GABRB3: variants seen among roughly 807,000 people sequenced by gnomAD.
GABRB3 encodes the protein gamma-aminobutyric acid receptor subunit beta-3.
Under a neutral mutation model 52.1 loss-of-function variants are expected in GABRB3, and 14 were observed. That is an observed-to-expected ratio of 0.27 (90% CI 0.18 to 0.42). The LOEUF is 0.42. Ranked by LOEUF, GABRB3 falls within the 10% of genes least tolerant of loss-of-function variation. The probability of loss-of-function intolerance (pLI) is 1.00; values close to 1 mark genes in which losing one functional copy is unlikely to be tolerated. For synonymous variants in GABRB3, 260 were observed against 232.3 expected, an observed-to-expected ratio of 1.12 and a Z score of -1.08; for missense variants, 307 against 609.1, an observed-to-expected ratio of 0.50 and a Z score of 5.22.
At chr15:26,592,981 C>A (rs1054428367) in intron 4 of GABRB3, among the ~76,000 whole-genome samples, 6 of 152,110 alleles carry the variant, frequency 3.9e-5, no homozygotes, top group Admixed American at 3.9e-4. Context: ...CACCACTGCA[C>A]TCCAGCCTGG....
rs1890578049 is a variant in GABRB3 at position 26,576,006 on chromosome 15, A to T, written c.682+4313T>A. On this transcript the variant is annotated intron_variant, in intron 6 of 8. Coordinates refer to ENST00000311550, the MANE Select transcript of GABRB3 (RefSeq NM_000814.6). ...GTGACAAGTAAATTTCAGATTTGGCAAAAACTGTATATCCCACATTTTGCT... is the reference window on the plus strand; with the variant it reads ...GTGACAAGTAAATTTCAGATTTGGCTAAAACTGTATATCCCACATTTTGCT... Among the ~76,000 whole-genome samples, 3 of 152,376 alleles carry T rather than the reference A, an allele frequency of 2.0e-5. No homozygotes were observed. The South Asian group carries it at 6.2e-4, about 32-fold the overall frequency.
At chr15:26,738,639 T>C (rs1248401033) in intron 3 of GABRB3, among the ~76,000 whole-genome samples, 1 of 152,126 alleles carries the variant, frequency 6.6e-6, no homozygotes, top group Non-Finnish European at 1.5e-5. Flanking sequence ...CCCCCTTCTT[T>C]GTACTTATCT....
chr15:26,547,305 C>G lies in GABRB3; in HGVS notation c.*488G>C, dbSNP rs1198769476. 2.5e-6 allele frequency: 1 copy of G among 395,474 alleles called. No homozygotes were observed. The highest frequency in any genetic ancestry group is 4.5e-6 in the Non-Finnish European group (1 of 224,046). 24.5% of individuals were successfully genotyped at this position (395,474 alleles called of 1,614,324 possible). ...AAGTAAGTGACTCATTTTAAACTAG[C>G]AATACCACTGTATGAGTTTTCAAAG... On this transcript the variant is annotated 3_prime_UTR_variant, in exon 9 of 9. Transcript: ENST00000311550.
intron 3 of GABRB3, among the ~76,000 whole-genome samples, chr15:26,651,664 T>C (rs1380371415): frequency 6.6e-6 from 1 of 152,142 alleles, no homozygotes. Flanking sequence ...CCAAAATACA[T>C]ATCTAAGGCA....
At chr15:26,628,728 C>T (rs1212107431) in intron 3 of GABRB3, among the ~76,000 whole-genome samples, 3 of 152,110 alleles carry the variant, frequency 2.0e-5, no homozygotes, top group African/African-American at 7.2e-5. Context: ...AACCAACCAG[C>T]GCCACAGGGC....
At chr15:26,595,619 T>A (rs538503458) in intron 4 of GABRB3, among the ~76,000 whole-genome samples, 2 of 152,186 alleles carry the variant, frequency 1.3e-5, no homozygotes, top group Non-Finnish European at 1.5e-5. Flanking sequence ...AGCTTTTTAG[T>A]CTGCCACTTT....
chr15:26,653,001 GA>G (rs1887244526), intron 3 of GABRB3, among the ~76,000 whole-genome samples: 1 of 152,184 alleles, frequency 6.6e-6, no homozygotes, highest in South Asian at 2.1e-4. Context: ...GCAACAGGGA[GA>G]AAACTTATGA....
At chr15:26,639,386 AT>A (rs1026879076) in intron 3 of GABRB3, among the ~76,000 whole-genome samples, 8 of 151,878 alleles carry the variant, frequency 5.3e-5, no homozygotes, top group Non-Finnish European at 1.0e-4. Context: ...AAACAGGTAC[AT>A]TTTTTTCCTG....
At chr15:26,616,448 G>A (rs1354418557) in intron 4 of GABRB3, among the ~76,000 whole-genome samples, 1 of 152,064 alleles carries the variant, frequency 6.6e-6, no homozygotes. Context: ...GATGATGTAA[G>A]TTTAGCTGCT....
chr15:26,646,820 T>G (rs1887025333), intron 3 of GABRB3, among the ~76,000 whole-genome samples: 1 of 152,164 alleles, frequency 6.6e-6, no homozygotes, highest in African/African-American at 2.4e-5. Context: ...GTCTTTTCCC[T>G]ATCAGCCATT....
chr15:26,705,204 C>G (rs1889060088), intron 3 of GABRB3, among the ~76,000 whole-genome samples: 2 of 152,196 alleles, frequency 1.3e-5, no homozygotes, highest in Admixed American at 1.3e-4. Context: ...CTGTTAAGGG[C>G]TTTCCTGCTG....
rs565481088 is a variant in GABRB3 at position 26,728,909 on chromosome 15, A to C, written c.240+43493T>G. 3.3e-5 allele frequency among the ~76,000 whole-genome samples: 5 copies of C among 152,330 alleles called. No individual in the cohort carries two copies. The South Asian group carries it at 1.0e-3, about 32-fold the overall frequency. On this transcript the variant is annotated intron_variant, in intron 3 of 8. Coordinates refer to ENST00000311550, the MANE Select transcript of GABRB3 (RefSeq NM_000814.6). ...GGTTACATAAATTTGCTCACACAAC[A>C]CTAAAATGTGCAATGAAAATGTAGC...
chr15:26,573,820 C>T (rs538699432), intron 6 of GABRB3, among the ~76,000 whole-genome samples: 6 of 152,132 alleles, frequency 3.9e-5, no homozygotes, highest in Admixed American at 2.0e-4. Context: ...GAGGCCAGGG[C>T]GGGAGGATTG....
Position 26,623,455 on chromosome 15 carries a change from C to CGA in GABRB3, c.241-1923_241-1922dup, listed in dbSNP as rs149126895. ...GGCCCCTTCCAGGGCTGGCTAATTC[C>CGA]GAGAGACGGCTAGCAACTCTCCTAG... On this transcript the variant is annotated intron_variant, in intron 3 of 8. Coordinates refer to ENST00000311550, the MANE Select transcript of GABRB3 (RefSeq NM_000814.6). Among the ~76,000 whole-genome samples, 5 of 152,228 alleles carry CGA rather than the reference C, an allele frequency of 3.3e-5. No individual in the cohort carries two copies. The South Asian group carries it at 1.0e-3, about 32-fold the overall frequency.
At chr15:26,733,124 C>G (rs945623738) in intron 3 of GABRB3, among the ~76,000 whole-genome samples, 1 of 152,060 alleles carries the variant, frequency 6.6e-6, no homozygotes, top group African/African-American at 2.4e-5. Flanking sequence ...CTCTTCTATT[C>G]AACATAGTAC....
chr15:26,625,297 C>T (rs908616004), intron 3 of GABRB3: 5 of 196,550 alleles, frequency 2.5e-5, no homozygotes, highest in East Asian at 1.9e-4. Context: ...ATCAGAACCC[C>T]GGCACCACCA....
chr15:26,710,854 T>C (rs1410578100), intron 3 of GABRB3, among the ~76,000 whole-genome samples: 1 of 152,124 alleles, frequency 6.6e-6, no homozygotes, highest in Non-Finnish European at 1.5e-5. Context: ...TTTCTCCCAG[T>C]TAGTGGGTTG....
intron 3 of GABRB3, among the ~76,000 whole-genome samples, chr15:26,680,092 G>C (rs1313807351): frequency 1.3e-5 from 2 of 152,182 alleles, no homozygotes; most frequent in Non-Finnish European, 2.9e-5. Context: ...GAGTAAGGCA[G>C]ATTCCCCTCC....
chr15:26,657,721 A>G (rs565791711), intron 3 of GABRB3, among the ~76,000 whole-genome samples: 137 of 152,228 alleles, frequency 9.0e-4, no homozygotes, highest in Non-Finnish European at 1.5e-3. Context: ...TGCAAAAATT[A>G]TGACAGAAAA....
Sources: gnomAD v4.1 joint callset for allele counts (sites outside exome capture counted in the v4.1 genomes callset) on GRCh38, gnomAD v4.1.1 for gene constraint, MANE v1.5 for transcripts, NCBI Gene and HGNC (gene_info 2026-07-23, HGNC 2026-07-21) for gene names.